NECTIN1: variants seen among roughly 807,000 people sequenced by gnomAD.
NECTIN1 encodes the protein nectin-1.
Under a neutral mutation model 48.0 loss-of-function variants are expected in NECTIN1, and 23 were observed. The ratio of observed to expected loss-of-function variants is 0.48; its 90% confidence interval spans 0.34 to 0.68. The LOEUF is 0.68. NECTIN1 is among the 30% of genes least tolerant of loss of function. The pLI is 0.01. For synonymous variants in NECTIN1, 270 were observed against 288.9 expected (o/e 0.93, Z 0.66); for missense variants, 591 against 709.9 (o/e 0.83, Z 1.90).
Position 119,672,556 on chromosome 11 carries a change from C to G in NECTIN1, c.1003+2603G>C, listed in dbSNP as rs559232054. Among the ~76,000 whole-genome samples, 139 of 152,306 alleles carry G rather than the reference C, an allele frequency of 9.1e-4. No individual in the cohort carries two copies. Among genetic ancestry groups the G allele is most frequent in the African/African-American group, 3.1e-3 (127 of 41,566 alleles). On this transcript the variant is annotated intron_variant, in intron 5 of 5. Coordinates refer to ENST00000264025, the MANE Select transcript of NECTIN1 (RefSeq NM_002855.5). This position sits in a 1 kb window ranked among gnomAD's most constrained non-coding sequence, Gnocchi z 4.3. ...CACAGCCTGGGCCTGTTGTTTCCCA[C>G]TAGGGACTCACTCATGGTGGCAGCT...
intron 1 of NECTIN1, among the ~76,000 whole-genome samples, chr11:119,703,849 G>A (rs1428764162): frequency 6.6e-6 from 1 of 152,182 alleles, no homozygotes; most frequent in East Asian, 1.9e-4. Context: ...TGAGATGCGC[G>A]GCTCAGCCTG....
At chr11:119,655,319 G>C (rs907336247) in intron 5 of NECTIN1, among the ~76,000 whole-genome samples, 4 of 152,052 alleles carry the variant, frequency 2.6e-5, no homozygotes, top group Non-Finnish European at 5.9e-5. Context: ...CATAGGTATG[G>C]CCTCTCCCAC....
chr11:119,658,438 ACTGCTCTGCATCGTG>A (rs1864610572), downstream of NECTIN1, among the ~76,000 whole-genome samples: 2 of 152,142 alleles, frequency 1.3e-5, no homozygotes, highest in Non-Finnish European at 2.9e-5. Flanking sequence ...GAACCCAAGG[ACTGCTCTGCATCGTG>A]CTGCTCGGCA....
rs1008076187 is a variant in NECTIN1 at position 119,663,992 on chromosome 11, T to A, written c.*755A>T. On this transcript the variant is annotated 3_prime_UTR_variant, in exon 6 of 6. Coordinates refer to ENST00000264025, the MANE Select transcript of NECTIN1 (RefSeq NM_002855.5). ...CGTGTCAGCAGAGGCAGAGAGCAAG[T>A]GTGGGCTGGAGCCCACCTGGAGCCC... 9 of 986,050 alleles carry A rather than the reference T, an allele frequency of 9.1e-6. No individual in the cohort carries two copies. Among genetic ancestry groups the A allele is most frequent in the Non-Finnish European group, 1.1e-5 (9 of 830,550 alleles). 61.1% of individuals were successfully genotyped at this position (986,050 alleles called of 1,614,324 possible).
rs763061735 is a variant in NECTIN1, at chr11:119,638,686, C to T, written c.1227+45G>A. On this transcript the variant is annotated intron_variant, in intron 7 of 7. Transcript: ENST00000341398. ...TTGGGGCCATCTCCCATTTTTCTCCCTCCCCGCAGTCCAGGGACCTTGTCC... is the reference window on the plus strand; with the variant it reads ...TTGGGGCCATCTCCCATTTTTCTCCTTCCCCGCAGTCCAGGGACCTTGTCC... 52 of 1,555,666 alleles carry T rather than the reference C, an allele frequency of 3.3e-5. No individual in the cohort carries two copies. The South Asian group carries it at 5.7e-4, about 17-fold the overall frequency.
chr11:119,648,473 C>G (rs950123726), intron 5 of NECTIN1, among the ~76,000 whole-genome samples: 1 of 90,586 alleles, frequency 1.1e-5, no homozygotes, highest in East Asian at 3.1e-4. Flanking sequence ...GAGCACCAGA[C>G]TCTTCCAGCA....
At chr11:119,696,997 G>A (rs573198688) in intron 1 of NECTIN1, among the ~76,000 whole-genome samples, 5 of 152,208 alleles carry the variant, frequency 3.3e-5, no homozygotes, top group African/African-American at 7.2e-5. Flanking sequence ...CCCCCTCCCC[G>A]CCTCCTATGA....
chr11:119,662,719 C>T lies in NECTIN1; in HGVS notation c.*2028G>A, dbSNP rs1368207494. 1 of 985,252 alleles carries T rather than the reference C, an allele frequency of 1.0e-6. No individual in the cohort carries two copies. Among genetic ancestry groups the T allele is most frequent in the African/African-American group, 1.8e-5 (1 of 56,714 alleles). 61.0% of individuals were successfully genotyped at this position (985,252 alleles called of 1,614,324 possible). A position where few individuals can be genotyped will look rare whatever the true frequency, so the allele number is the denominator to read the frequency against. ...AGTGATGTAATGTGGAAAAGGTCCC[C>T]TGTCCTGGGGGACACTAATACTGCT... On this transcript the variant is annotated 3_prime_UTR_variant, in exon 6 of 6. Coordinates refer to ENST00000264025, the MANE Select transcript of NECTIN1 (RefSeq NM_002855.5). This position sits in a 1 kb window ranked among gnomAD's most constrained non-coding sequence, Gnocchi z 5.3.
chr11:119,643,985 G>A (rs1417973479), intron 5 of NECTIN1, among the ~76,000 whole-genome samples: 4 of 152,236 alleles, frequency 2.6e-5, no homozygotes, highest in South Asian at 2.1e-4. Context: ...AGCTAGGGCC[G>A]CCACAGCTGG....
rs1250527572 is a variant in NECTIN1 at position 119,672,516 on chromosome 11, C to T, written c.1003+2643G>A. On this transcript the variant is annotated intron_variant, in intron 5 of 5. Transcript: ENST00000264025. The surrounding 1 kb of genome is among the most constrained non-coding windows in gnomAD (Gnocchi z 4.3). The stretch of plus-strand genomic sequence containing the variant: ...TCTGTCCGGTCCATCTCCTCGGTGC[C>T]CCCATCGCCACAGCCACAGCCTGGG... Among the ~76,000 whole-genome samples, 2 of 152,164 alleles carry T rather than the reference C, an allele frequency of 1.3e-5. No homozygotes were observed. Among genetic ancestry groups the T allele is most frequent in the African/African-American group, 2.4e-5 (1 of 41,430 alleles).
Position 119,662,387 on chromosome 11 carries a change from G to T in NECTIN1, c.*2360C>A, listed in dbSNP as rs1864682122. On this transcript the variant is annotated 3_prime_UTR_variant, in exon 6 of 6. Coordinates refer to ENST00000264025, the MANE Select transcript of NECTIN1 (RefSeq NM_002855.5). This position sits in a 1 kb window ranked among gnomAD's most constrained non-coding sequence, Gnocchi z 5.3. ...GGCAGCTGCTCGGTGGGTATGCTGA[G>T]GCTGGGCCCCTGGCAAGTCAGGAGC... 1 of 985,700 alleles carries T rather than the reference G, an allele frequency of 1.0e-6. No homozygotes were observed. Among genetic ancestry groups the T allele is most frequent in the Non-Finnish European group, 1.2e-6 (1 of 829,940 alleles). The allele number at this position is 985,700 out of a possible 1,614,324, so 61.1% of individuals were successfully genotyped here. A position where few individuals can be genotyped will look rare whatever the true frequency, so the allele number is the denominator to read the frequency against.
At chr11:119,693,695 C>T (rs867173022) in intron 1 of NECTIN1, among the ~76,000 whole-genome samples, 47 of 152,176 alleles carry the variant, frequency 3.1e-4, no homozygotes, top group African/African-American at 8.9e-4. Context: ...CTCCAAAACA[C>T]GCAGGGGGCT....
At chr11:119,645,730 C>T (rs1864389036) in intron 5 of NECTIN1, among the ~76,000 whole-genome samples, 1 of 152,208 alleles carries the variant, frequency 6.6e-6, no homozygotes, top group Non-Finnish European at 1.5e-5. Flanking sequence ...GGCTGCCGCA[C>T]CGTCACACGT....
rs1320894829 is a variant in NECTIN1, at chr11:119,678,810, TC to T, written c.80-46del. On this transcript the variant is annotated intron_variant, in intron 1 of 5. Transcript: ENST00000264025. This position sits in a 1 kb window ranked among gnomAD's most constrained non-coding sequence, Gnocchi z 4.4. ...CAAGTGGTCAGTGTCAGGCACAGCC[TC>T]CCCCCACCCACACAGTTCCCTGTGC... is the stretch of plus-strand genomic sequence containing the variant. 9.6e-6 allele frequency: 13 copies of T among 1,349,768 alleles called. No individual in the cohort carries two copies. The highest frequency in any genetic ancestry group is 2.0e-4 in the Middle Eastern group (1 of 4,966). 83.6% of individuals were successfully genotyped at this position (1,349,768 alleles called of 1,614,324 possible). A position where few individuals can be genotyped will look rare whatever the true frequency, so the allele number is the denominator to read the frequency against.
rs138951818 is a variant in NECTIN1 at position 119,709,238 on chromosome 11, G to A, written c.79+19237C>T. 1.7e-4 allele frequency among the ~76,000 whole-genome samples: 26 copies of A among 152,220 alleles called. No individual in the cohort carries two copies. Among genetic ancestry groups the A allele is most frequent in the Non-Finnish European group, 2.8e-4 (19 of 67,988 alleles). The stretch of plus-strand genomic sequence containing the variant: ...GGAAATTAGGGCAGAAAATAACACC[G>A]TGAAAACAGAACTGTCTGTTCAGAA... On this transcript the variant is annotated intron_variant, in intron 1 of 5. Coordinates refer to ENST00000264025, the MANE Select transcript of NECTIN1 (RefSeq NM_002855.5). This position sits in a 1 kb window ranked among gnomAD's most constrained non-coding sequence, Gnocchi z 4.1.
intron 6 of NECTIN1, chr11:119,638,929 C>T: frequency 1.2e-6 from 1 of 853,510 alleles, no homozygotes; most frequent in East Asian, 2.7e-5. Context: ...AGCTCTGCTT[C>T]CCAGGCAGCC....
intron 5 of NECTIN1, chr11:119,642,600 GCC>G (rs1864343261): frequency 1.3e-5 from 2 of 153,610 alleles, no homozygotes; most frequent in Admixed American, 6.6e-5. Flanking sequence ...CTCTATAAGG[GCC>G]CTTTCATCAT....
chr11:119,693,470 G>C (rs11217406), intron 1 of NECTIN1, among the ~76,000 whole-genome samples: 1 of 152,252 alleles, frequency 6.6e-6, no homozygotes, highest in Non-Finnish European at 1.5e-5. Context: ...CGGGCCAAGA[G>C]AGGAGAGTGA....
intron 5 of NECTIN1, chr11:119,640,130 C>T (rs1285067762): frequency 8.1e-6 from 9 of 1,116,254 alleles, no homozygotes; most frequent in Middle Eastern, 2.1e-4. Context: ...ATTGCACCCC[C>T]AGCTCCCCTC....
Sources: allele counts gnomAD v4.1 joint callset (sites outside exome capture counted in the v4.1 genomes callset), GRCh38; gene constraint gnomAD v4.1.1; non-coding constraint Gnocchi (gnomAD v3.1); transcripts MANE v1.5; gene names NCBI Gene and HGNC (gene_info 2026-07-23, HGNC 2026-07-21).